The following TLK1 variants were observed in gnomAD, a reference collection of about 807,000 sequenced individuals.
The protein encoded by TLK1 is serine/threonine-protein kinase tousled-like 1.
In TLK1, 24 loss-of-function variants were observed where a neutral mutation model predicts 105.3. The ratio of observed to expected loss-of-function variants is 0.23; its 90% confidence interval spans 0.17 to 0.32. The LOEUF (loss-of-function observed/expected upper bound fraction) is 0.32, where lower values mean the gene tolerates loss of function less well. Ranked by LOEUF, TLK1 falls within the 10% of genes least tolerant of loss-of-function variation. The pLI is 1.00. For missense variants in TLK1, 558 were observed against 910.5 expected, an observed-to-expected ratio of 0.61 and a Z score of 4.98; for synonymous variants, 321 against 310.4, an observed-to-expected ratio of 1.03 and a Z score of -0.36.
Position 170,992,615 on chromosome 2 carries a change from AAACTGATT to A in TLK1, c.*1157_*1164del, listed in dbSNP as rs1311808517. On this transcript the variant is annotated 3_prime_UTR_variant, in exon 21 of 21. Coordinates refer to ENST00000431350, the MANE Select transcript of TLK1 (RefSeq NM_012290.5). Reference sequence around the variant, plus strand: ...GTGTTCTACAGCCCTAGAACCCAATAAACTGATTTAAAAACTCAATTATGTCCAACATG... The same window carrying A: ...GTGTTCTACAGCCCTAGAACCCAATATAAAAACTCAATTATGTCCAACATG... 1.3e-5 allele frequency: 2 copies of A among 152,604 alleles called. No homozygotes were observed. Among genetic ancestry groups the A allele is most frequent in the Non-Finnish European group, 2.9e-5 (2 of 68,006 alleles). 9.5% of individuals were successfully genotyped at this position (152,604 alleles called of 1,614,324 possible). A position where few individuals can be genotyped will look rare whatever the true frequency, so the allele number is the denominator to read the frequency against.
intron 2 of TLK1, among the ~76,000 whole-genome samples, chr2:171,106,075 T>C (rs527630413): frequency 2.0e-5 from 3 of 152,304 alleles, no homozygotes; most frequent in South Asian, 4.1e-4. Flanking sequence ...TTGGAGGACA[T>C]TGTTAAGTGA....
intron 3 of TLK1, among the ~76,000 whole-genome samples, chr2:171,080,812 A>G (rs1688718080): frequency 6.6e-6 from 1 of 151,312 alleles, no homozygotes; most frequent in African/African-American, 2.4e-5. Flanking sequence ...GGCTCAAGTT[A>G]CTGTCCCACC....
At chr2:170,996,387 C>T (rs563807217) in intron 20 of TLK1, among the ~76,000 whole-genome samples, 100 of 152,184 alleles carry the variant, frequency 6.6e-4, no homozygotes, top group Non-Finnish European at 1.3e-3. Flanking sequence ...TAATGATGAG[C>T]CCAGATCTTG....
At chr2:171,019,689 G>T (rs137908093) in intron 12 of TLK1, among the ~76,000 whole-genome samples, 2 of 152,202 alleles carry the variant, frequency 1.3e-5, no homozygotes, top group African/African-American at 4.8e-5. Flanking sequence ...TATGGGAGTT[G>T]GTAGAAGAAT....
rs539335202 is a variant in TLK1 at position 171,219,601 on chromosome 2, C to A, written c.-6+11544G>T. Among the ~76,000 whole-genome samples the A allele has an allele frequency of 5.4e-4, 82 of 151,254 alleles. No homozygotes were observed. In the South Asian group the frequency reaches 0.012, roughly 23 times the overall value. ...GAGAGCTTTCTGGGGTCCCTCCCCC[C>A]ACCTTTTTTTTTTTTTTGAGACAGG... On this transcript the variant is annotated intron_variant, in intron 1 of 20. Transcript: ENST00000521943.
chr2:171,031,568 T>C (rs1006291546), intron 11 of TLK1, among the ~76,000 whole-genome samples: 4 of 152,198 alleles, frequency 2.6e-5, no homozygotes, highest in Non-Finnish European at 5.9e-5. Context: ...TTATTAATAT[T>C]TTTATTACAC....
intron 1 of TLK1, among the ~76,000 whole-genome samples, chr2:171,173,644 G>A (rs1374091382): frequency 5.3e-5 from 8 of 151,946 alleles, no homozygotes; most frequent in Admixed American, 2.6e-4. Context: ...CTCCCCGCTC[G>A]GCTTCCCAAA....
At chr2:171,159,705 T>C (rs1692378171) in intron 1 of TLK1, 2 of 152,316 alleles carry the variant, frequency 1.3e-5, no homozygotes, top group South Asian at 2.1e-4. Flanking sequence ...GTCGTTTAAA[T>C]TGCTCTAGGG....
chr2:171,066,311 T>C (rs2105453655), intron 3 of TLK1, among the ~76,000 whole-genome samples: 1 of 152,320 alleles, frequency 6.6e-6, no homozygotes, highest in East Asian at 1.9e-4. Context: ...AATCATCATA[T>C]CAGCAATTTG....
intron 18 of TLK1, among the ~76,000 whole-genome samples, chr2:170,998,630 T>A (rs780279763): frequency 6.6e-6 from 1 of 152,228 alleles, no homozygotes; most frequent in Non-Finnish European, 1.5e-5. Flanking sequence ...GCCTCTATTA[T>A]GGCATTAAAC....
intron 3 of TLK1, among the ~76,000 whole-genome samples, chr2:171,071,956 T>C (rs1199770698): frequency 6.6e-6 from 1 of 152,240 alleles, no homozygotes; most frequent in Non-Finnish European, 1.5e-5. Context: ...CACTGATCTA[T>C]GTGTCTGTTT....
rs192544041 is a variant in TLK1 at position 171,174,289 on chromosome 2, A to T, written c.-5-56432T>A. 3.6e-3 allele frequency among the ~76,000 whole-genome samples: 547 copies of T among 151,074 alleles called. 6 individuals carry two copies. Among genetic ancestry groups the T allele is most frequent in the African/African-American group, 0.012 (505 of 41,124 alleles). On this transcript the variant is annotated intron_variant, in intron 1 of 20. Transcript: ENST00000521943. ...GCCTTCCTCCAGCTTGGAATTTCCT[A>T]CTCCTACCTATTCTTTCCCCCACCC...
chr2:171,088,520 C>T (rs76278633), intron 2 of TLK1, among the ~76,000 whole-genome samples: 2,426 of 152,274 alleles, frequency 0.016, 65 homozygotes, highest in African/African-American at 0.052. Flanking sequence ...AGCACAATGG[C>T]TTAAAGAAAA....
At chr2:171,089,775 C>T (rs775110289) in intron 2 of TLK1, among the ~76,000 whole-genome samples, 8 of 152,142 alleles carry the variant, frequency 5.3e-5, no homozygotes, top group African/African-American at 9.7e-5. Context: ...CCTGGGCTCA[C>T]GTGATCCTCC....
intron 18 of TLK1, among the ~76,000 whole-genome samples, chr2:171,002,957 G>T (rs529816370): frequency 1.3e-5 from 2 of 151,596 alleles, no homozygotes; most frequent in African/African-American, 4.8e-5. Flanking sequence ...TTTTCAATTA[G>T]AGATAAAAGG....
intron 12 of TLK1, among the ~76,000 whole-genome samples, chr2:171,015,453 CACACACACAA>C (rs1338603837): frequency 7.7e-6 from 1 of 129,436 alleles, no homozygotes; most frequent in African/African-American, 2.7e-5. Flanking sequence ...CACACACACA[CACACACACAA>C]ACTGACCACT....
chr2:171,149,598 G>GT (rs1419740712), intron 1 of TLK1, among the ~76,000 whole-genome samples: 1 of 152,064 alleles, frequency 6.6e-6, no homozygotes, highest in Non-Finnish European at 1.5e-5. Flanking sequence ...TAGCCTTTTG[G>GT]TTTTGTTTTT....
At chr2:171,096,652 G>C (rs1390968394) in intron 2 of TLK1, among the ~76,000 whole-genome samples, 1 of 151,818 alleles carries the variant, frequency 6.6e-6, no homozygotes, top group Non-Finnish European at 1.5e-5. Flanking sequence ...CAGCTACTCA[G>C]GAGACTGAAG....
At chr2:171,073,992 G>C (rs1429085160) in intron 3 of TLK1, among the ~76,000 whole-genome samples, 2 of 149,960 alleles carry the variant, frequency 1.3e-5, no homozygotes, top group South Asian at 4.3e-4. Context: ...CTAGGTTCAA[G>C]CGATTCTCCT....
Sources: gnomAD v4.1 joint callset for allele counts (sites outside exome capture counted in the v4.1 genomes callset) on GRCh38, gnomAD v4.1.1 for gene constraint, MANE v1.5 for transcripts, NCBI Gene and HGNC (gene_info 2026-07-23, HGNC 2026-07-21) for gene names.